The following LRRTM4 variants were observed in gnomAD, a reference collection of about 807,000 sequenced individuals.
The protein encoded by LRRTM4 is leucine-rich repeat transmembrane neuronal protein 4.
A neutral mutation model predicts 47.6 loss-of-function variants in LRRTM4; 25 were observed. The observed-to-expected ratio is 0.53, with a 90% CI of 0.38 to 0.73. The LOEUF (loss-of-function observed/expected upper bound fraction) is 0.73. Among genes scored for constraint, LRRTM4 ranks in the 30% least tolerant of loss-of-function variants. The probability of loss-of-function intolerance (pLI) is 0.00; values close to 1 mark genes in which losing one functional copy is unlikely to be tolerated. For missense variants in LRRTM4, 638 were observed against 713.4 expected, an observed-to-expected ratio of 0.89 and a Z score of 1.20; for synonymous variants, 311 against 269.5, an observed-to-expected ratio of 1.15 and a Z score of -1.51.
intron 3 of LRRTM4, among the ~76,000 whole-genome samples, chr2:76,769,791 A>G (rs1461097094): frequency 2.0e-5 from 3 of 152,200 alleles, no homozygotes; most frequent in Admixed American, 6.5e-5. Flanking sequence ...ATTATCTACC[A>G]GAATGGAAAT....
chr2:77,284,403 A>C (rs1374479361), intron 3 of LRRTM4, among the ~76,000 whole-genome samples: 6 of 152,118 alleles, frequency 3.9e-5, no homozygotes, highest in African/African-American at 1.4e-4. Flanking sequence ...CACAAGTAAA[A>C]TGTTTTGCTT....
chr2:77,024,564 A>T (rs1678386484), intron 3 of LRRTM4, among the ~76,000 whole-genome samples: 1 of 150,316 alleles, frequency 6.7e-6, no homozygotes, highest in Non-Finnish European at 1.5e-5. Context: ...GAAAAATCAC[A>T]TTTTTTTTTG....
intron 3 of LRRTM4, among the ~76,000 whole-genome samples, chr2:77,064,011 C>T (rs759934993): frequency 7.2e-5 from 11 of 151,804 alleles, no homozygotes; most frequent in Middle Eastern, 3.2e-3. Context: ...AGTGTGTGCA[C>T]GTGTCTATAT....
At position 77,122,509 on chromosome 2, in the gene LRRTM4, C is replaced by CAT. The variant is rs1458580895; in HGVS notation, c.1552-373595_1552-373594dup. ...ACTATATATACTATATATACACACACATATATATAATATATATACACAATA... is the reference window on the plus strand; with the variant it reads ...ACTATATATACTATATATACACACACATATATATATAATATATATACACAATA... On this transcript the variant is annotated intron_variant, in intron 3 of 3. Coordinates refer to ENST00000409884, the MANE Select transcript of LRRTM4 (RefSeq NM_001134745.3). 2.7e-5 allele frequency among the ~76,000 whole-genome samples: 4 copies of CAT among 149,620 alleles called. No homozygotes were observed. In the South Asian group the frequency reaches 6.3e-4, roughly 23 times the overall value.
intron 3 of LRRTM4, among the ~76,000 whole-genome samples, chr2:76,856,629 T>C (rs1573218008): frequency 6.6e-6 from 1 of 152,178 alleles, no homozygotes; most frequent in African/African-American, 2.4e-5. Context: ...TTAACTGATA[T>C]TTGTTAATGG....
At chr2:77,364,115 G>A (rs1248127843) in intron 3 of LRRTM4, among the ~76,000 whole-genome samples, 1 of 147,032 alleles carries the variant, frequency 6.8e-6, no homozygotes, top group African/African-American at 2.5e-5. Context: ...AGCAGAGAAT[G>A]CCATGGATGA....
At chr2:76,995,665 G>T (rs1219613066) in intron 3 of LRRTM4, among the ~76,000 whole-genome samples, 1 of 151,984 alleles carries the variant, frequency 6.6e-6, no homozygotes, top group East Asian at 1.9e-4. Context: ...AAGCTGGAGG[G>T]AATAGAGATG....
At chr2:77,349,997 C>T (rs1208008995) in intron 3 of LRRTM4, among the ~76,000 whole-genome samples, 1 of 152,098 alleles carries the variant, frequency 6.6e-6, no homozygotes, top group African/African-American at 2.4e-5. Context: ...GGAACTTCAA[C>T]TTTTTCACTC....
chr2:77,416,029 T>C (rs1220770458), intron 3 of LRRTM4, among the ~76,000 whole-genome samples: 1 of 152,256 alleles, frequency 6.6e-6, no homozygotes, highest in South Asian at 2.1e-4. Flanking sequence ...CCTTAATTTA[T>C]AGTATAGAAT....
intron 3 of LRRTM4, among the ~76,000 whole-genome samples, chr2:77,050,673 A>G (rs1051965670): frequency 2.0e-5 from 3 of 152,168 alleles, no homozygotes; most frequent in Non-Finnish European, 4.4e-5. Flanking sequence ...TATATCTTGA[A>G]TATTGCAAAA....
chr2:76,818,147 G>A (rs76980855), intron 3 of LRRTM4, among the ~76,000 whole-genome samples: 4,092 of 151,898 alleles, frequency 0.027, 184 homozygotes, highest in East Asian at 0.082. Flanking sequence ...TTAAGCTGGT[G>A]ACATATTTGT....
chr2:77,458,567 A>G (rs889830730), intron 3 of LRRTM4, among the ~76,000 whole-genome samples: 5 of 151,612 alleles, frequency 3.3e-5, no homozygotes, highest in Non-Finnish European at 5.9e-5. Flanking sequence ...ATCCATTTGC[A>G]CTTTCCATCA....
chr2:76,808,603 T>TAAC (rs1346331318), intron 3 of LRRTM4, among the ~76,000 whole-genome samples: 1 of 152,226 alleles, frequency 6.6e-6, no homozygotes, highest in African/African-American at 2.4e-5. Context: ...AAACTACTGT[T>TAAC]AACATTTTTT....
intron 3 of LRRTM4, among the ~76,000 whole-genome samples, chr2:77,425,401 C>T (rs901987246): frequency 2.0e-5 from 3 of 152,128 alleles, no homozygotes; most frequent in Admixed American, 2.0e-4. Flanking sequence ...ATTACTTGGC[C>T]CCTAAGTAGC....
intron 3 of LRRTM4, among the ~76,000 whole-genome samples, chr2:76,857,526 G>C (rs1672190848): frequency 6.6e-6 from 1 of 151,902 alleles, no homozygotes; most frequent in Non-Finnish European, 1.5e-5. Flanking sequence ...GCAGGGAATT[G>C]ACAACACTAA....
At chr2:76,960,714 T>C (rs200350060) in intron 3 of LRRTM4, among the ~76,000 whole-genome samples, 3 of 151,586 alleles carry the variant, frequency 2.0e-5, no homozygotes, top group East Asian at 2.0e-4. Flanking sequence ...TTGAACCTTA[T>C]TGTCATTTGT....
At chr2:77,030,975 A>T (rs943198062) in intron 3 of LRRTM4, among the ~76,000 whole-genome samples, 1 of 152,160 alleles carries the variant, frequency 6.6e-6, no homozygotes. Flanking sequence ...ATTGATGTAA[A>T]TATTTTAAGA....
At chr2:76,918,718 A>G (rs771744106) in intron 3 of LRRTM4, among the ~76,000 whole-genome samples, 18 of 152,170 alleles carry the variant, frequency 1.2e-4, no homozygotes, top group Non-Finnish European at 2.2e-4. Context: ...GACAGAAGCT[A>G]AAACTGCCAC....
chr2:77,047,336 T>C (rs751550651), intron 3 of LRRTM4, among the ~76,000 whole-genome samples: 1 of 152,056 alleles, frequency 6.6e-6, no homozygotes, highest in Non-Finnish European at 1.5e-5. Flanking sequence ...AAGTTAAAAG[T>C]GCAATATATT....
Sources: gnomAD v4.1 joint callset for allele counts (sites outside exome capture counted in the v4.1 genomes callset) on GRCh38, gnomAD v4.1.1 for gene constraint, MANE v1.5 for transcripts, NCBI Gene and HGNC (gene_info 2026-07-23, HGNC 2026-07-21) for gene names.